The following DNAH11 variants were observed in gnomAD, a reference collection of about 807,000 sequenced individuals.
The protein encoded by DNAH11 is axonemal beta dynein heavy chain 11.
A neutral mutation model predicts 526.0 loss-of-function variants in DNAH11; 442 were observed. The observed-to-expected ratio is 0.84, with a 90% CI of 0.78 to 0.91. The LOEUF (loss-of-function observed/expected upper bound fraction) is 0.91, where lower values mean the gene tolerates loss of function less well. Among genes scored for constraint, DNAH11 ranks in the 40% least tolerant of loss-of-function variants. The pLI is 0.00. For missense variants in DNAH11, 6,989 were observed against 5,448.7 expected, an observed-to-expected ratio of 1.28 and a Z score of -8.90; for synonymous variants, 2,461 against 1,935.9, an observed-to-expected ratio of 1.27 and a Z score of -7.12.
intron 55 of DNAH11, among the ~76,000 whole-genome samples, chr7:21,773,070 A>T (rs570526418): frequency 6.6e-6 from 1 of 150,830 alleles, no homozygotes; most frequent in African/African-American, 2.5e-5. Context: ...ACAGAATGCA[A>T]TAAATAATCA....
chr7:21,820,421 T>C (rs1324053129), intron 65 of DNAH11, among the ~76,000 whole-genome samples: 2 of 152,206 alleles, frequency 1.3e-5, no homozygotes, highest in East Asian at 1.9e-4. Flanking sequence ...TTACCTTTGA[T>C]TACATTTTGT....
chr7:21,679,627 G>T (rs1783057696), intron 30 of DNAH11, among the ~76,000 whole-genome samples: 1 of 152,080 alleles, frequency 6.6e-6, no homozygotes, highest in Admixed American at 6.5e-5. Context: ...ATTTCTTTAA[G>T]CCAGCTTTCC....
intron 23 of DNAH11, 89 bp downstream of exon 23, chr7:21,617,866 A>T (rs541226152): frequency 7.4e-7 from 1 of 1,342,318 alleles, no homozygotes; most frequent in South Asian, 1.8e-5. Context: ...AGTGTAATTT[A>T]TGAAAAGACC....
chr7:21,683,757 C>T lies in DNAH11; in HGVS notation c.5461-27C>T, dbSNP rs189196271. 4.9e-4 allele frequency: 760 copies of T among 1,553,480 alleles called. 1 individual carries two copies. Among genetic ancestry groups the T allele is most frequent in the Middle Eastern group, 6.9e-4 (4 of 5,784 alleles). On this transcript the variant is annotated intron_variant, in intron 31 of 81. Transcript: ENST00000409508. ...GTTGCCCCAAACTACCAGTGTCCTG[C>T]GTATGATGATTATGCAATGCCTTTA...
rs1783347940 is a variant in DNAH11 at position 21,867,987 on chromosome 7, T to G, written c.11819T>G (p.Leu3940Arg). The change falls in exon 72 of 82, where the codon CTT (leucine) becomes CGT (arginine). Residue 3940 changes from leucine to arginine, a missense_variant. Physicochemically the swap from Leu to Arg is moderately radical, Grantham distance 102 (BLOSUM62 -2). Transcript: ENST00000409508. ...FFILSPGVDA[L>R]KDLEILGKRL... ...ATCCTGTCTCCGGGGGTAGATGCCC[T>G]TAAAGACCTGGAGATTCTTGGTGAG... The G allele has an allele frequency of 1.3e-6, 2 of 1,552,418 alleles. No individual in the cohort carries two copies. The highest frequency in any genetic ancestry group is 2.7e-5 in the African/African-American group (2 of 73,186).
intron 10 of DNAH11, 24 bp from the exon 11 acceptor site, chr7:21,588,488 C>T: frequency 1.2e-6 from 2 of 1,612,038 alleles, no homozygotes; most frequent in Non-Finnish European, 1.7e-6. Context: ...CTTTCTTCCT[C>T]TTCACCAAAA....
At chr7:21,719,071 T>C (rs1276938536) in intron 43 of DNAH11, among the ~76,000 whole-genome samples, 2 of 152,234 alleles carry the variant, frequency 1.3e-5, no homozygotes, top group African/African-American at 4.8e-5. Flanking sequence ...TTCTCTGTGG[T>C]GTGAACTTTT....
At chr7:21,638,814 T>C in intron 27 of DNAH11, 125 bp from the exon 28 acceptor site, 1 of 1,142,356 alleles carries the variant, frequency 8.8e-7, no homozygotes, top group South Asian at 1.6e-5. Flanking sequence ...AAGAAGGAAG[T>C]AAGCTACCTG....
intron 54 of DNAH11, among the ~76,000 whole-genome samples, chr7:21,762,240 T>G (rs560975940): frequency 1.3e-3 from 195 of 152,236 alleles, no homozygotes; most frequent in Non-Finnish European, 2.3e-3. Flanking sequence ...GCCTTATCAC[T>G]CAAGTAACTC....
Position 21,784,462 on chromosome 7 carries a change from G to A in DNAH11, c.9519G>A (p.Gln3173=). ...TTCAGACTGAAGTGTTCCAGAAACAGAGAGAATGTGAAGCTGACTTACTCA... is the reference window on the plus strand; with the variant it reads ...TTCAGACTGAAGTGTTCCAGAAACAAAGAGAATGTGAAGCTGACTTACTCA... The part of the protein sequence containing the change: ...TAIQTEVFQK[Q]RECEADLLKA... The change falls in exon 58 of 82, where the codon CAG becomes CAA. Residue 3173 remains glutamine, a synonymous_variant. Coordinates refer to ENST00000409508, the MANE Select transcript of DNAH11 (RefSeq NM_001277115.2). 6.2e-7 allele frequency: 1 copy of A among 1,613,512 alleles called. No homozygotes were observed.
intron 67 of DNAH11, 45 bp downstream of exon 67, chr7:21,852,676 G>A (rs368982358): frequency 1.6e-5 from 25 of 1,518,250 alleles, no homozygotes; most frequent in African/African-American, 1.1e-4. Flanking sequence ...TGCTCTGTTC[G>A]AATGAGACAT....
intron 63 of DNAH11, among the ~76,000 whole-genome samples, chr7:21,814,036 A>G (rs965753716): frequency 1.3e-5 from 2 of 152,238 alleles, no homozygotes; most frequent in African/African-American, 2.4e-5. Flanking sequence ...GGCATAGCCT[A>G]TTGCTCCTAG....
At chr7:21,604,333 A>G (rs1394432698) in intron 18 of DNAH11, among the ~76,000 whole-genome samples, 1 of 152,040 alleles carries the variant, frequency 6.6e-6, no homozygotes, top group Non-Finnish European at 1.5e-5. Flanking sequence ...TTCTCACCTC[A>G]CAGCAACAGC....
rs1384630334 is a variant in DNAH11, at chr7:21,738,578, G to T, written c.7646-123G>T. The T allele has an allele frequency of 3.2e-6, 3 of 936,808 alleles. No individual in the cohort carries two copies. The Admixed American group carries it at 9.0e-5, about 28-fold the overall frequency. 58.0% of individuals were successfully genotyped at this position (936,808 alleles called of 1,614,324 possible). A position where few individuals can be genotyped will look rare whatever the true frequency, so the allele number is the denominator to read the frequency against. Reference sequence around the variant, plus strand: ...CATCCCGGGTCTCTTAACCTATGAAGGGGCGATACCTGAAACCACAGGGTG... The same window carrying T: ...CATCCCGGGTCTCTTAACCTATGAATGGGCGATACCTGAAACCACAGGGTG... On this transcript the variant is annotated intron_variant, in intron 46 of 81. Transcript: ENST00000409508.
rs1242641308 is a variant in DNAH11 at position 21,549,803 on chromosome 7, T to C, written c.495+4654T>C. Among the ~76,000 whole-genome samples the C allele has an allele frequency of 2.0e-5, 3 of 152,316 alleles. No individual in the cohort carries two copies. In the East Asian group the frequency reaches 5.8e-4, roughly 29 times the overall value. On this transcript the variant is annotated intron_variant, in intron 2 of 81. Transcript: ENST00000409508. ...GTATCCCAGCTGGGGCAGGGTGATA[T>C]TCTACTATAACCTGTATTTGGTTCA...
chr7:21,633,303 G>T (rs969979671), intron 25 of DNAH11, among the ~76,000 whole-genome samples: 1 of 152,204 alleles, frequency 6.6e-6, no homozygotes, highest in Admixed American at 6.5e-5. Context: ...GGATGAAATA[G>T]TCTGTCGATG....
chr7:21,754,654 T>A (rs894991736), intron 54 of DNAH11, among the ~76,000 whole-genome samples: 1 of 152,020 alleles, frequency 6.6e-6, no homozygotes, highest in African/African-American at 2.4e-5. Flanking sequence ...TTTTTGTTTT[T>A]GTTTTGTGCT....
chr7:21,658,442 A>C (rs1429140917), intron 29 of DNAH11, among the ~76,000 whole-genome samples: 1 of 152,150 alleles, frequency 6.6e-6, no homozygotes, highest in East Asian at 1.9e-4. Flanking sequence ...TGGCTTCTGA[A>C]AACACTGTGT....
chr7:21,729,508 C>A lies in DNAH11; in HGVS notation c.7440+3524C>A, dbSNP rs556067546. Among the ~76,000 whole-genome samples, 8 of 152,294 alleles carry A rather than the reference C, an allele frequency of 5.3e-5. 1 individual carries two copies. The highest frequency in any genetic ancestry group is 1.0e-4 in the Non-Finnish European group (7 of 68,032). ...CTTAACAGTTACTTCTTCAGTATGTCTTTCTCCTCTTTCATTTTGCTAGCA... is the reference window on the plus strand; with the variant it reads ...CTTAACAGTTACTTCTTCAGTATGTATTTCTCCTCTTTCATTTTGCTAGCA... On this transcript the variant is annotated intron_variant, in intron 45 of 81. Transcript: ENST00000409508.
Sources: gnomAD v4.1 joint callset for allele counts (sites outside exome capture counted in the v4.1 genomes callset) on GRCh38, gnomAD v4.1.1 for gene constraint, MANE v1.5 for transcripts, NCBI Gene and HGNC (gene_info 2026-07-23, HGNC 2026-07-21) for gene names.